COMMD10: variants seen among roughly 807,000 people sequenced by gnomAD.
The protein encoded by COMMD10 is COMM domain containing 10, also known as COMM domain-containing protein 10.
In COMMD10, 33 loss-of-function variants were observed where a neutral mutation model predicts 28.9. The ratio of observed to expected loss-of-function variants is 1.14; its 90% confidence interval spans 0.87 to 1.53. The LOEUF (loss-of-function observed/expected upper bound fraction) is 1.53. Ranked by LOEUF, COMMD10 falls within the 40% of genes most tolerant of loss-of-function variation. The pLI is 0.00. For missense variants in COMMD10, 310 were observed against 233.4 expected (o/e 1.33, Z -2.14); for synonymous variants, 110 against 81.7 (o/e 1.35, Z -1.87).
At chr5:116,106,462 T>G (rs1181185121) in intron 4 of COMMD10, among the ~76,000 whole-genome samples, 1 of 152,224 alleles carries the variant, frequency 6.6e-6, no homozygotes, top group African/African-American at 2.4e-5. Flanking sequence ...TATATTCTGT[T>G]GATTTGGTGT....
intron 5 of COMMD10, among the ~76,000 whole-genome samples, chr5:116,244,812 A>G (rs927219958): frequency 1.3e-5 from 2 of 151,994 alleles, no homozygotes; most frequent in Admixed American, 6.6e-5. Flanking sequence ...ACCGGAATCT[A>G]TGGAATCCGA....
intron 4 of COMMD10, among the ~76,000 whole-genome samples, chr5:116,102,922 G>A (rs139064879): frequency 7.0e-4 from 107 of 152,166 alleles, no homozygotes; most frequent in South Asian, 2.1e-3. Context: ...GCGGTGTTTG[G>A]TTTTCTGTTC....
At chr5:116,292,159 A>T (rs918039344) in intron 6 of COMMD10, among the ~76,000 whole-genome samples, 1 of 152,056 alleles carries the variant, frequency 6.6e-6, no homozygotes, top group African/African-American at 2.4e-5. Flanking sequence ...TAAAAAAAAA[A>T]TTATGGAGTG....
At chr5:116,176,862 T>C (rs1386981715) in intron 5 of COMMD10, among the ~76,000 whole-genome samples, 4 of 152,130 alleles carry the variant, frequency 2.6e-5, no homozygotes, top group South Asian at 4.1e-4. Context: ...TGAGTAACTA[T>C]AAAAGTGTAA....
intron 4 of COMMD10, 101 bp from the exon 5 acceptor site, chr5:116,133,967 A>T: frequency 1.4e-6 from 1 of 712,396 alleles, no homozygotes; most frequent in Non-Finnish European, 2.5e-6. Context: ...TGTGAAGCCT[A>T]GGCTATCCAT....
chr5:116,204,545 T>C (rs1748762616), intron 5 of COMMD10, among the ~76,000 whole-genome samples: 1 of 152,166 alleles, frequency 6.6e-6, no homozygotes, highest in Middle Eastern at 3.2e-3. Context: ...TCTAATAGTA[T>C]AATCTTTTTC....
chr5:116,221,861 A>C (rs1749268619), intron 5 of COMMD10, among the ~76,000 whole-genome samples: 1 of 152,282 alleles, frequency 6.6e-6, no homozygotes, highest in Admixed American at 6.5e-5. Context: ...TTCTTACCAG[A>C]GAACACATAA....
chr5:116,256,190 A>C (rs1421578350), intron 5 of COMMD10, among the ~76,000 whole-genome samples: 1 of 151,734 alleles, frequency 6.6e-6, no homozygotes, highest in African/African-American at 2.4e-5. Flanking sequence ...AAAAGAATCT[A>C]CAGTATAATG....
chr5:116,255,365 C>G lies in COMMD10; in HGVS notation c.511-36152C>G, dbSNP rs571406056. 1.3e-5 allele frequency among the ~76,000 whole-genome samples: 2 copies of G among 151,268 alleles called. 1 individual carries two copies. The highest frequency in any genetic ancestry group is 4.2e-4 in the South Asian group (2 of 4,738). ...TATGATGTTAGCTGGTTATTTTGCT[C>G]GTTAGTTGATGCAGTTTCTTCCTAG... is the stretch of plus-strand genomic sequence containing the variant. On this transcript the variant is annotated intron_variant, in intron 5 of 6. Transcript: ENST00000274458.
intron 4 of COMMD10, among the ~76,000 whole-genome samples, chr5:116,129,034 G>A (rs1236714887): frequency 3.3e-5 from 5 of 151,808 alleles, no homozygotes; most frequent in South Asian, 2.1e-4. Flanking sequence ...AAGAGCAGTC[G>A]TGGGTAGATA....
chr5:116,288,456 A>G (rs1436845506), intron 5 of COMMD10, among the ~76,000 whole-genome samples: 2 of 151,734 alleles, frequency 1.3e-5, no homozygotes, highest in Admixed American at 6.6e-5. Context: ...AGTTCTTTGA[A>G]TTTCTTGATC....
intron 5 of COMMD10, among the ~76,000 whole-genome samples, chr5:116,154,422 C>G (rs1192341313): frequency 6.6e-6 from 1 of 152,062 alleles, no homozygotes; most frequent in East Asian, 1.9e-4. Context: ...ATTTCCTGAG[C>G]AATGCAATAT....
intron 5 of COMMD10, among the ~76,000 whole-genome samples, chr5:116,171,856 T>G (rs1176143962): frequency 1.3e-5 from 2 of 152,046 alleles, no homozygotes; most frequent in Non-Finnish European, 2.9e-5. Context: ...AGGGATAACA[T>G]TAGGAGAAAT....
chr5:116,246,224 C>T (rs1026677628), intron 5 of COMMD10, among the ~76,000 whole-genome samples: 1 of 152,074 alleles, frequency 6.6e-6, no homozygotes. Context: ...GGAACATACT[C>T]CCATTCACAA....
chr5:116,093,056 A>G (rs1485518868), intron 4 of COMMD10, among the ~76,000 whole-genome samples: 1 of 152,206 alleles, frequency 6.6e-6, no homozygotes, highest in Admixed American at 6.5e-5. Flanking sequence ...TTTGCTGAAT[A>G]CATATTGGTT....
At chr5:116,244,546 T>C (rs995410889) in intron 5 of COMMD10, among the ~76,000 whole-genome samples, 2 of 149,032 alleles carry the variant, frequency 1.3e-5, no homozygotes, top group Admixed American at 1.4e-4. Context: ...AGTAGAGAAA[T>C]ATCTGAGGAG....
intron 5 of COMMD10, among the ~76,000 whole-genome samples, chr5:116,185,520 T>C (rs1369133098): frequency 4.7e-5 from 7 of 150,096 alleles, no homozygotes; most frequent in African/African-American, 1.7e-4. Flanking sequence ...GCTTTCTCCT[T>C]GGCGTTTTAA....
chr5:116,269,123 C>G (rs1750686375), intron 5 of COMMD10, among the ~76,000 whole-genome samples: 1 of 151,486 alleles, frequency 6.6e-6, no homozygotes, highest in Admixed American at 6.6e-5. Flanking sequence ...GATAAAAATG[C>G]TTAAACAGAA....
rs545288442 is a variant in COMMD10 at position 116,292,926 on chromosome 5, A to G, written c.*437A>G. On this transcript the variant is annotated 3_prime_UTR_variant, in exon 7 of 7. Coordinates refer to ENST00000274458, the MANE Select transcript of COMMD10 (RefSeq NM_016144.4). ...AAAATTAAGAAAATAGCCATATACA[A>G]TCAAATACACTATGGCATTTTTATT... 449 of 396,250 alleles carry G rather than the reference A, an allele frequency of 1.1e-3. No individual in the cohort carries two copies. Among genetic ancestry groups the G allele is most frequent in the Non-Finnish European group, 1.7e-3 (389 of 224,520 alleles). 24.5% of individuals were successfully genotyped at this position (396,250 alleles called of 1,614,324 possible). A position where few individuals can be genotyped will look rare whatever the true frequency, so the allele number is the denominator to read the frequency against.
Sources: gnomAD v4.1 joint callset for allele counts (sites outside exome capture counted in the v4.1 genomes callset) on GRCh38, gnomAD v4.1.1 for gene constraint, MANE v1.5 for transcripts, NCBI Gene and HGNC (gene_info 2026-07-23, HGNC 2026-07-21) for gene names.